RBFOX1: variants seen among roughly 807,000 people sequenced by gnomAD.
RBFOX1 encodes the protein RNA binding protein fox-1 homolog 1.
In RBFOX1, 8 loss-of-function variants were observed where a neutral mutation model predicts 57.7. That is an observed-to-expected ratio of 0.14 (90% confidence interval 0.08 to 0.25). RBFOX1 has a LOEUF of 0.25. Ranked by LOEUF, RBFOX1 falls within the 10% of genes least tolerant of loss-of-function variation. RBFOX1 has a pLI of 1.00. For missense variants in RBFOX1, 611 were observed against 548.5 expected, an observed-to-expected ratio of 1.11 and a Z score of -1.14; for synonymous variants, 326 against 222.4, an observed-to-expected ratio of 1.47 and a Z score of -4.15.
At chr16:7,164,884 A>G (rs1567531400) in intron 4 of RBFOX1, among the ~76,000 whole-genome samples, 3 of 152,210 alleles carry the variant, frequency 2.0e-5, no homozygotes, top group Admixed American at 6.5e-5. Context: ...TTTTAAATGG[A>G]TAAGAGAATG....
chr16:7,669,811 C>T (rs1443687934), intron 13 of RBFOX1, among the ~76,000 whole-genome samples: 3 of 152,156 alleles, frequency 2.0e-5, no homozygotes, highest in South Asian at 2.1e-4. Flanking sequence ...CCTAGTCTTT[C>T]TTCCTGAGAC....
At chr16:6,375,657 C>T (rs2091077606) in intron 2 of RBFOX1, among the ~76,000 whole-genome samples, 1 of 152,140 alleles carries the variant, frequency 6.6e-6, no homozygotes. Context: ...AGCCCAGCCT[C>T]TTCAGCATCC....
At chr16:6,237,079 C>G (rs2097510555) in intron 1 of RBFOX1, among the ~76,000 whole-genome samples, 1 of 152,116 alleles carries the variant, frequency 6.6e-6, no homozygotes, top group Non-Finnish European at 1.5e-5. Context: ...CTAAGGAAGT[C>G]TTCGGGTTTG....
chr16:6,070,826 A>C (rs58238534), intron 1 of RBFOX1, among the ~76,000 whole-genome samples: 5,401 of 149,124 alleles, frequency 0.036, 231 homozygotes, highest in East Asian at 0.25. Flanking sequence ...CGCCCCCCCC[A>C]CACACACATT....
intron 2 of RBFOX1, among the ~76,000 whole-genome samples, chr16:5,528,766 C>T (rs929230522): frequency 6.6e-6 from 1 of 151,922 alleles, no homozygotes; most frequent in African/African-American, 2.4e-5. Context: ...TCTCCTGCCT[C>T]AGCCTCCCGA....
intron 3 of RBFOX1, among the ~76,000 whole-genome samples, chr16:5,647,808 C>T (rs1234375548): frequency 6.6e-6 from 1 of 152,164 alleles, no homozygotes; most frequent in Non-Finnish European, 1.5e-5. Context: ...TTTTAAAAAT[C>T]TCTGCTTCCC....
At chr16:6,048,178 C>T (rs755587746) in intron 1 of RBFOX1, among the ~76,000 whole-genome samples, 3 of 152,164 alleles carry the variant, frequency 2.0e-5, no homozygotes, top group African/African-American at 4.8e-5. Flanking sequence ...TTATGATCCT[C>T]ATTGTACATT....
At chr16:7,349,624 C>G (rs972892244) in intron 4 of RBFOX1, among the ~76,000 whole-genome samples, 4 of 152,076 alleles carry the variant, frequency 2.6e-5, no homozygotes, top group African/African-American at 7.2e-5. Context: ...GGCGACATAC[C>G]ACATCCGCTT....
chr16:7,163,260 T>G (rs113812764), intron 4 of RBFOX1, among the ~76,000 whole-genome samples: 2 of 152,300 alleles, frequency 1.3e-5, no homozygotes, highest in African/African-American at 4.8e-5. Flanking sequence ...GTTGTTTGAT[T>G]TGGACGAAGG....
chr16:7,258,000 G>A (rs1042983016), intron 4 of RBFOX1, among the ~76,000 whole-genome samples: 2 of 152,202 alleles, frequency 1.3e-5, no homozygotes, highest in Non-Finnish European at 2.9e-5. Flanking sequence ...ACACAACTCT[G>A]ACATTTGAGA....
intron 4 of RBFOX1, among the ~76,000 whole-genome samples, chr16:7,515,016 G>T (rs995664203): frequency 6.6e-6 from 1 of 152,164 alleles, no homozygotes; most frequent in African/African-American, 2.4e-5. Context: ...GTTTACACAA[G>T]TCTACCTTTC....
chr16:6,376,507 A>G (rs909826979), intron 2 of RBFOX1, among the ~76,000 whole-genome samples: 1 of 152,156 alleles, frequency 6.6e-6, no homozygotes, highest in Non-Finnish European at 1.5e-5. Flanking sequence ...ATTCCCTGGC[A>G]TTCTGCGGCT....
intron 3 of RBFOX1, among the ~76,000 whole-genome samples, chr16:6,787,869 G>C (rs1217985056): frequency 2.6e-5 from 4 of 152,160 alleles, no homozygotes; most frequent in South Asian, 2.1e-4. Flanking sequence ...AGCGTAACTC[G>C]ATACTATAGA....
intron 2 of RBFOX1, among the ~76,000 whole-genome samples, chr16:6,360,319 A>G (rs1427168608): frequency 1.3e-5 from 2 of 152,152 alleles, no homozygotes; most frequent in East Asian, 3.8e-4. Context: ...CTCGCAAGAA[A>G]AACTTGGACT....
At chr16:6,930,812 A>G (rs1325957334) in intron 3 of RBFOX1, among the ~76,000 whole-genome samples, 6 of 152,112 alleles carry the variant, frequency 3.9e-5, no homozygotes, top group East Asian at 1.9e-4. Flanking sequence ...TATTCAGTCT[A>G]TGAGCAAATG....
chr16:5,355,129 C>G (rs545476680), intron 1 of RBFOX1, among the ~76,000 whole-genome samples: 2 of 152,168 alleles, frequency 1.3e-5, no homozygotes, highest in African/African-American at 4.8e-5. Flanking sequence ...CGTCTTAGCT[C>G]AGAAGAGGTG....
intron 4 of RBFOX1, among the ~76,000 whole-genome samples, chr16:7,120,653 A>T (rs1370754412): frequency 6.6e-6 from 1 of 150,904 alleles, no homozygotes; most frequent in African/African-American, 2.4e-5. Flanking sequence ...TTTCAGACAC[A>T]AATGGTTTCA....
At chr16:5,978,517 A>G (rs182377995) in intron 4 of RBFOX1, among the ~76,000 whole-genome samples, 1 of 152,276 alleles carries the variant, frequency 6.6e-6, no homozygotes, top group Non-Finnish European at 1.5e-5. Flanking sequence ...TATTAAGGCC[A>G]CATTCTATTC....
intron 4 of RBFOX1, among the ~76,000 whole-genome samples, chr16:7,309,475 A>G (rs1295265919): frequency 6.6e-6 from 1 of 152,226 alleles, no homozygotes; most frequent in Non-Finnish European, 1.5e-5. Context: ...ATTTTGAGGC[A>G]GTTTCTGTGT....
Sources: allele counts gnomAD v4.1 joint callset (sites outside exome capture counted in the v4.1 genomes callset), GRCh38; gene constraint gnomAD v4.1.1; transcripts MANE v1.5; gene names NCBI Gene and HGNC (gene_info 2026-07-23, HGNC 2026-07-21).